Variants in SPINK1 observed in about 807,000 individuals in gnomAD.
SPINK1 encodes serine peptidase inhibitor Kazal type 1.
Under a neutral mutation model 9.5 loss-of-function variants are expected in SPINK1, and 5 were observed. The ratio of observed to expected loss-of-function variants is 0.52; its 90% CI spans 0.27 to 1.10. SPINK1 has a LOEUF of 1.10. Among genes scored for constraint, SPINK1 ranks in the 50% least tolerant of loss-of-function variants. SPINK1 has a pLI of 0.11. For synonymous variants in SPINK1, 37 were observed against 32.3 expected, an observed-to-expected ratio of 1.14 and a Z score of -0.49; for missense variants, 88 against 92.7, an observed-to-expected ratio of 0.95 and a Z score of 0.21.
upstream of SPINK1, among the ~76,000 whole-genome samples, chr5:147,832,390 T>C (rs1756524243): frequency 6.6e-6 from 1 of 152,188 alleles, no homozygotes; most frequent in Non-Finnish European, 1.5e-5. Context: ...TGGTGTGTCT[T>C]ATGAGTAGAG....
the SPINK1 span, among the ~76,000 whole-genome samples, chr5:147,837,649 T>TTTTCTTTC: frequency 0.14 from 14,870 of 106,942 alleles, 1,599 homozygotes; most frequent in Non-Finnish European, 0.16. Context: ...CATTAACTTC[T>TTTTCTTTC]TTTCTTTCTT....
chr5:147,834,486 T>C (rs1241929863), upstream of SPINK1, among the ~76,000 whole-genome samples: 1 of 152,158 alleles, frequency 6.6e-6, no homozygotes, highest in African/African-American at 2.4e-5. Context: ...CATTGATAGA[T>C]GTTGGTTGGA....
the SPINK1 span, among the ~76,000 whole-genome samples, chr5:147,838,843 C>T: frequency 6.6e-6 from 1 of 152,080 alleles, no homozygotes; most frequent in Non-Finnish European, 1.5e-5. Context: ...TCTAGGCCTA[C>T]AGTATTCCCC....
chr5:147,827,120 A>G (rs1235183466), intron 3 of SPINK1: 1 of 151,526 alleles, frequency 6.6e-6, no homozygotes, highest in South Asian at 2.1e-4. Context: ...CTTGTCACCC[A>G]GGTTGGAGTG....
chr5:147,828,171 T>C (rs367920955), intron 2 of SPINK1, 43 bp from the exon 3 acceptor site: 216 of 1,468,276 alleles, frequency 1.5e-4, no homozygotes, highest in Non-Finnish European at 1.8e-4. Flanking sequence ...TTATTCTCCA[T>C]TCTTGAGTTC....
At chr5:147,827,506 CAG>C (rs1756429504) in intron 3 of SPINK1, 1 of 155,548 alleles carries the variant, frequency 6.4e-6, no homozygotes, top group Non-Finnish European at 1.4e-5. Flanking sequence ...ACAAGTAAGA[CAG>C]GGAATATTAG....
In SPINK1 at chr5:147,829,258, T is replaced by C. The variant is rs527421913; in HGVS notation, c.87+341A>G. 3.3e-4 allele frequency among the ~76,000 whole-genome samples: 51 copies of C among 152,316 alleles called. No homozygotes were observed. The South Asian group carries it at 4.3e-3, about 13-fold the overall frequency. On this transcript the variant is annotated intron_variant, in intron 2 of 3. Transcript: ENST00000296695. ...TGATTGGGAGAGCTGCATGCCAACA[T>C]GGTCAAACTGGCTGTAAGGAGGAAG...
the SPINK1 span, among the ~76,000 whole-genome samples, chr5:147,837,001 C>G: frequency 6.6e-6 from 1 of 152,180 alleles, no homozygotes; most frequent in Non-Finnish European, 1.5e-5. Context: ...GATTGAAAGT[C>G]TAATCTTTGC....
upstream of SPINK1, among the ~76,000 whole-genome samples, chr5:147,836,296 TTGTGTGTGTG>T (rs58122057): frequency 8.2e-5 from 12 of 146,526 alleles, no homozygotes; most frequent in South Asian, 6.6e-4. Context: ...ATTTACTGAT[TTGTGTGTGTG>T]TGTGTGTGTG....
the SPINK1 span, among the ~76,000 whole-genome samples, chr5:147,839,035 C>T: frequency 9.2e-5 from 14 of 152,158 alleles, no homozygotes; most frequent in African/African-American, 3.4e-4. Flanking sequence ...TGCTCTCATA[C>T]TGCTAATAAA....
chr5:147,828,124 T>A lies in SPINK1; in HGVS notation c.92A>T (p.Lys31Ile). 6.2e-7 allele frequency: 1 copy of A among 1,612,256 alleles called. No homozygotes were observed. Among genetic ancestry groups the A allele is most frequent in the Non-Finnish European group, 8.5e-7 (1 of 1,178,988 alleles). ...GCATCCATTAAGTTCATTGTAACAT[T>A]TGGCCTAAAAATGGAATTAAACAGA... is the stretch of plus-strand genomic sequence containing the variant. ...TGADSLGREAKCYNELNGCTK... is the reference protein window; with the variant it reads ...TGADSLGREAICYNELNGCTK... Residue 31 changes from lysine to isoleucine, a missense_variant, in exon 3 of 4, where the codon AAA becomes ATA. By Grantham distance (102) the Lys-to-Ile change is moderately radical. Transcript: ENST00000296695.
upstream of SPINK1, chr5:147,831,925 T>G (rs748249079): frequency 1.1e-4 from 83 of 767,198 alleles, no homozygotes; most frequent in Non-Finnish European, 1.4e-4. Context: ...ACCTGTAAGA[T>G]GAACTCAAAG....
the SPINK1 span, among the ~76,000 whole-genome samples, chr5:147,837,706 T>TTTCTTTCTTTCC: frequency 6.7e-5 from 10 of 148,444 alleles, no homozygotes; most frequent in East Asian, 6.2e-4. Context: ...TCTTTCTTTC[T>TTTCTTTCTTTCC]TTCTTTCTTT....
chr5:147,828,140 A>G lies in SPINK1; in HGVS notation c.88-12T>C, dbSNP rs2127133959. On this transcript the variant is annotated splice_polypyrimidine_tract_variant and intron_variant, in intron 2 of 3. Coordinates refer to ENST00000296695, the MANE Select transcript of SPINK1 (RefSeq NM_001379610.1). ...TTGTAACATTTGGCCTAAAAATGGAATTAAACAGAATCATTTCCCATTATT... is the reference window on the plus strand; with the variant it reads ...TTGTAACATTTGGCCTAAAAATGGAGTTAAACAGAATCATTTCCCATTATT... The G allele has an allele frequency of 1.9e-6, 3 of 1,587,984 alleles. No individual in the cohort carries two copies. Among genetic ancestry groups the G allele is most frequent in the Non-Finnish European group, 2.6e-6 (3 of 1,157,828 alleles).
At chr5:147,825,534 C>A (rs575747807) in intron 3 of SPINK1, among the ~76,000 whole-genome samples, 1 of 151,710 alleles carries the variant, frequency 6.6e-6, no homozygotes, top group African/African-American at 2.4e-5. Context: ...CTCCACCTCC[C>A]GGGTTCAAGT....
At chr5:147,825,772 T>C (rs2127131006) in intron 3 of SPINK1, among the ~76,000 whole-genome samples, 1 of 152,278 alleles carries the variant, frequency 6.6e-6, no homozygotes, top group South Asian at 2.1e-4. Context: ...TGCTTTCTTG[T>C]CCCACAATCA....
At chr5:147,836,425 G>A (rs10063629), upstream of SPINK1, among the ~76,000 whole-genome samples, 1,488 of 151,920 alleles carry the variant, frequency 9.8e-3, 17 homozygotes, top group African/African-American at 0.035. Context: ...TTGCCCCCTC[G>A]TCTATGTAAA....
At chr5:147,830,112 G>C in intron 1 of SPINK1, among the ~76,000 whole-genome samples, 1 of 152,162 alleles carries the variant, frequency 6.6e-6, no homozygotes, top group East Asian at 1.9e-4. Flanking sequence ...CAGGTCTTCT[G>C]ATGCAAAGTT....
chr5:147,825,333 C>A (rs1438441948), intron 3 of SPINK1, among the ~76,000 whole-genome samples: 3 of 152,090 alleles, frequency 2.0e-5, no homozygotes, highest in African/African-American at 7.2e-5. Context: ...TTTTTCTAAC[C>A]ATTTTTTCTT....
Sources: allele counts gnomAD v4.1 joint callset (sites outside exome capture counted in the v4.1 genomes callset), GRCh38; gene constraint gnomAD v4.1.1; transcripts MANE v1.5; gene names NCBI Gene and HGNC (gene_info 2026-07-23, HGNC 2026-07-21).